DGKB: variants seen among roughly 807,000 people sequenced by gnomAD.
DGKB encodes 90 kDa diacylglycerol kinase.
DGKB carries 67 observed loss-of-function variants against 114.3 expected under a neutral mutation model. That is an observed-to-expected ratio of 0.59 (90% CI 0.48 to 0.72). The LOEUF (loss-of-function observed/expected upper bound fraction) is 0.72, where lower values mean the gene tolerates loss of function less well. Ranked by LOEUF, DGKB falls within the 30% of genes least tolerant of loss-of-function variation. The pLI, the probability that DGKB is intolerant of heterozygous loss-of-function variation, is 0.00. For synonymous variants in DGKB, 398 were observed against 323.1 expected, an observed-to-expected ratio of 1.23 and a Z score of -2.49; for missense variants, 907 against 975.2, an observed-to-expected ratio of 0.93 and a Z score of 0.93.
chr7:14,502,472 C>G (rs1186084844), intron 20 of DGKB, among the ~76,000 whole-genome samples: 2 of 152,038 alleles, frequency 1.3e-5, no homozygotes, highest in Non-Finnish European at 2.9e-5. Flanking sequence ...AAAGCCATTA[C>G]ACTTTGAAGT....
intron 1 of DGKB, among the ~76,000 whole-genome samples, chr7:14,953,560 T>C (rs1387004779): frequency 6.6e-6 from 1 of 152,010 alleles, no homozygotes; most frequent in Non-Finnish European, 1.5e-5. Context: ...GGTGTTGACA[T>C]AAATGGAGAT....
At chr7:14,974,205 G>A (rs1387086616) in intron 1 of DGKB, among the ~76,000 whole-genome samples, 1 of 152,120 alleles carries the variant, frequency 6.6e-6, no homozygotes, top group Non-Finnish European at 1.5e-5. Context: ...ACTGGCAGCT[G>A]TGCATTTGTA....
intron 4 of DGKB, among the ~76,000 whole-genome samples, chr7:14,739,257 T>C (rs928185128): frequency 2.6e-5 from 4 of 152,296 alleles, no homozygotes; most frequent in Admixed American, 2.0e-4. Flanking sequence ...AGGAGGCCTG[T>C]CTAAACACGC....
At chr7:14,252,396 T>A (rs1388870968) in intron 23 of DGKB, among the ~76,000 whole-genome samples, 1 of 152,218 alleles carries the variant, frequency 6.6e-6, no homozygotes, top group Non-Finnish European at 1.5e-5. Context: ...CGTGATTTTA[T>A]GGCTTTGCTT....
At chr7:14,803,433 G>A (rs184910026) in intron 2 of DGKB, among the ~76,000 whole-genome samples, 25 of 152,232 alleles carry the variant, frequency 1.6e-4, no homozygotes, top group African/African-American at 5.8e-4. Context: ...TGTGTAAGAT[G>A]TAAGAAGTGT....
intron 23 of DGKB, among the ~76,000 whole-genome samples, chr7:14,200,451 C>A (rs187197298): frequency 4.5e-4 from 68 of 152,098 alleles, no homozygotes; most frequent in African/African-American, 1.6e-3. Context: ...CCACAAAAGC[C>A]GTCCTCATTT....
chr7:14,654,967 G>A (rs1422984500), intron 13 of DGKB, among the ~76,000 whole-genome samples: 1 of 151,820 alleles, frequency 6.6e-6, no homozygotes, highest in Non-Finnish European at 1.5e-5. Context: ...ACTCTGGTCT[G>A]AGCAAAGATT....
intron 1 of DGKB, among the ~76,000 whole-genome samples, chr7:14,942,238 C>A (rs575984176): frequency 1.5e-4 from 22 of 151,704 alleles, no homozygotes; most frequent in South Asian, 8.3e-4. Context: ...GACTAATTTA[C>A]CACTGGAAAT....
intron 5 of DGKB, among the ~76,000 whole-genome samples, chr7:14,729,269 C>G (rs1164109495): frequency 4.1e-5 from 6 of 147,252 alleles, no homozygotes; most frequent in East Asian, 2.0e-4. Flanking sequence ...ACTACAGGCG[C>G]CTGCCACCAC....
chr7:14,184,425 G>T (rs111575443), intron 23 of DGKB, among the ~76,000 whole-genome samples: 4,652 of 152,194 alleles, frequency 0.031, 96 homozygotes, highest in African/African-American at 0.048. Context: ...ACTAACTCGG[G>T]TCTGTTCGTG....
chr7:14,872,260 G>A (rs1852582921), intron 1 of DGKB, among the ~76,000 whole-genome samples: 2 of 152,046 alleles, frequency 1.3e-5, no homozygotes, highest in Admixed American at 6.6e-5. Context: ...GGCAGAACAG[G>A]AATAACAAAC....
At chr7:14,925,436 A>G (rs1019233201) in intron 1 of DGKB, among the ~76,000 whole-genome samples, 2 of 152,182 alleles carry the variant, frequency 1.3e-5, no homozygotes, top group Non-Finnish European at 2.9e-5. Flanking sequence ...TTCCAGATGC[A>G]AGGCTTTGCT....
intron 21 of DGKB, among the ~76,000 whole-genome samples, chr7:14,399,296 C>T (rs758101363): frequency 6.6e-6 from 1 of 151,476 alleles, no homozygotes; most frequent in Non-Finnish European, 1.5e-5. Context: ...GGTTAAATAG[C>T]CACAACTTTT....
chr7:14,243,969 T>C (rs1278275061), intron 23 of DGKB, among the ~76,000 whole-genome samples: 2 of 152,154 alleles, frequency 1.3e-5, no homozygotes, highest in Non-Finnish European at 2.9e-5. Flanking sequence ...AATCTAAATC[T>C]AAATTTCTCT....
Position 14,718,291 on chromosome 7 carries a change from T to C in DGKB, c.466+251A>G, listed in dbSNP as rs189537268. Among the ~76,000 whole-genome samples, 443 of 152,252 alleles carry C rather than the reference T, an allele frequency of 2.9e-3. 1 individual carries two copies. The highest frequency in any genetic ancestry group is 6.8e-3 in the Middle Eastern group (2 of 294). Reference sequence around the variant, plus strand: ...TAACTCCAGAGAACTGAGGAACAGCTTTTTAAAGTCATATGACAAACATAG... The same window carrying C: ...TAACTCCAGAGAACTGAGGAACAGCCTTTTAAAGTCATATGACAAACATAG... On this transcript the variant is annotated intron_variant, in intron 6 of 25. Transcript: ENST00000402815.
intron 17 of DGKB, among the ~76,000 whole-genome samples, chr7:14,600,106 G>A (rs1403710140): frequency 1.3e-5 from 2 of 152,118 alleles, no homozygotes; most frequent in African/African-American, 4.8e-5. Flanking sequence ...GTCTGGTAAG[G>A]CTTATTATCT....
intron 20 of DGKB, among the ~76,000 whole-genome samples, chr7:14,548,280 G>C (rs889232233): frequency 2.0e-5 from 3 of 152,176 alleles, no homozygotes; most frequent in Non-Finnish European, 4.4e-5. Flanking sequence ...GAGGAGCTCA[G>C]ATTATAGGGG....
At chr7:14,237,614 T>TAA (rs1176542300) in intron 23 of DGKB, among the ~76,000 whole-genome samples, 2 of 152,010 alleles carry the variant, frequency 1.3e-5, no homozygotes, top group Non-Finnish European at 2.9e-5. Context: ...CATTCATATA[T>TAA]AATTCATGCT....
intron 23 of DGKB, among the ~76,000 whole-genome samples, chr7:14,253,997 T>C (rs1004026082): frequency 4.6e-5 from 7 of 152,228 alleles, no homozygotes; most frequent in African/African-American, 1.7e-4. Context: ...TTCCCTGACA[T>C]TAAGCTGTTT....
Sources: allele counts gnomAD v4.1 joint callset (sites outside exome capture counted in the v4.1 genomes callset), GRCh38; gene constraint gnomAD v4.1.1; transcripts MANE v1.5; gene names NCBI Gene and HGNC (gene_info 2026-07-23, HGNC 2026-07-21).